KCNH8: variants seen among roughly 807,000 people sequenced by gnomAD.
The protein encoded by KCNH8 is voltage-gated delayed rectifier potassium channel KCNH8.
In KCNH8, 70 loss-of-function variants were observed where a neutral mutation model predicts 103.6. The observed-to-expected ratio is 0.68, with a 90% confidence interval of 0.56 to 0.82. The LOEUF (loss-of-function observed/expected upper bound fraction) is 0.82, where lower values mean the gene tolerates loss of function less well. Ranked by LOEUF, KCNH8 falls within the 40% of genes least tolerant of loss-of-function variation. The probability of loss-of-function intolerance (pLI) is 0.00; values close to 1 mark genes in which losing one functional copy is unlikely to be tolerated. For synonymous variants in KCNH8, 498 were observed against 489.4 expected (o/e 1.02, Z -0.23); for missense variants, 1,217 against 1,329.9 (o/e 0.92, Z 1.32).
At chr3:19,420,169 A>G (rs984467908) in intron 7 of KCNH8, among the ~76,000 whole-genome samples, 2 of 152,210 alleles carry the variant, frequency 1.3e-5, no homozygotes, top group Non-Finnish European at 2.9e-5. Flanking sequence ...TAAATGCTCA[A>G]TATATGTTCA....
intron 2 of KCNH8, among the ~76,000 whole-genome samples, chr3:19,262,914 C>T (rs2064455927): frequency 6.6e-6 from 1 of 152,032 alleles, no homozygotes; most frequent in Admixed American, 6.6e-5. Flanking sequence ...TCTCACCTAG[C>T]CCTCCCATTG....
chr3:19,199,147 G>C (rs1290932126), intron 1 of KCNH8, among the ~76,000 whole-genome samples: 4 of 151,780 alleles, frequency 2.6e-5, no homozygotes, highest in Non-Finnish European at 5.9e-5. Flanking sequence ...TCATTGTACT[G>C]TGTCATCCTA....
At chr3:19,371,926 A>G (rs2066103272) in intron 5 of KCNH8, among the ~76,000 whole-genome samples, 4 of 150,052 alleles carry the variant, frequency 2.7e-5, no homozygotes, top group Admixed American at 2.7e-4. Flanking sequence ...AGTTGTAGAT[A>G]TGTGGCGTTA....
Position 19,224,470 on chromosome 3 carries a change from G to A in KCNH8, c.77-29184G>A, listed in dbSNP as rs186174839. Among the ~76,000 whole-genome samples, 63 of 151,290 alleles carry A rather than the reference G, an allele frequency of 4.2e-4. 1 individual carries two copies. In the East Asian group the frequency reaches 0.011, roughly 26 times the overall value. On this transcript the variant is annotated intron_variant, in intron 1 of 15. Transcript: ENST00000328405. ...CAAACCATTTTTAATGATTTGAAGT[G>A]TAATTTTTTCTCCCTCCTTTCCAAT...
chr3:19,524,010 G>A (rs2069018229), intron 15 of KCNH8, among the ~76,000 whole-genome samples: 1 of 151,888 alleles, frequency 6.6e-6, no homozygotes, highest in South Asian at 2.1e-4. Flanking sequence ...AATAATAAGA[G>A]AGGCTGTTTT....
intron 3 of KCNH8, among the ~76,000 whole-genome samples, chr3:19,289,449 G>T (rs979998142): frequency 2.0e-5 from 3 of 152,154 alleles, no homozygotes; most frequent in Admixed American, 6.5e-5. Flanking sequence ...CATATGGCTA[G>T]CCAGTTTTCC....
chr3:19,415,224 T>C (rs2066844687), intron 7 of KCNH8, among the ~76,000 whole-genome samples: 2 of 151,962 alleles, frequency 1.3e-5, no homozygotes, highest in Admixed American at 1.3e-4. Context: ...GGTACCTACA[T>C]GGGTTAACTC....
intron 1 of KCNH8, among the ~76,000 whole-genome samples, chr3:19,176,421 C>T (rs1274667703): frequency 2.0e-5 from 3 of 152,032 alleles, no homozygotes; most frequent in Admixed American, 2.0e-4. Flanking sequence ...AAGAACATTA[C>T]CGAGACAGAA....
intron 1 of KCNH8, among the ~76,000 whole-genome samples, chr3:19,159,714 A>G (rs901050385): frequency 1.3e-5 from 2 of 152,130 alleles, no homozygotes; most frequent in South Asian, 2.1e-4. Flanking sequence ...AGACACAAAA[A>G]CATTTGTATC....
rs182259687 is a variant in KCNH8, at chr3:19,312,099, A to G, written c.443-30488A>G. Among the ~76,000 whole-genome samples the G allele has an allele frequency of 1.4e-3, 215 of 152,054 alleles. 1 individual carries two copies. The highest frequency in any genetic ancestry group is 4.9e-3 in the African/African-American group (202 of 41,546). On this transcript the variant is annotated intron_variant, in intron 3 of 15. Coordinates refer to ENST00000328405, the MANE Select transcript of KCNH8 (RefSeq NM_144633.3). ...CATTTTGAAAATCTGTGGAATTAAT[A>G]TATTAACCCAAAATTCATGCCAAGT...
chr3:19,513,305 A>AC lies in KCNH8; in HGVS notation c.2420dup (p.Asp808ArgfsTer8), dbSNP rs1301103555. 1 of 1,599,706 alleles carries AC rather than the reference A, an allele frequency of 6.3e-7. No homozygotes were observed. Among genetic ancestry groups the AC allele is most frequent in the African/African-American group, 1.4e-5 (1 of 73,918 alleles). On this transcript the variant is annotated frameshift_variant, in exon 13 of 16. Transcript: ENST00000328405. LOFTEE classifies it high-confidence loss of function. ...AACTTTCAACTTTGAATAATGCTGG[A>AC]CCCCCAGACCTCAGTCCAAGGTAAG...
chr3:19,170,277 CTA>C (rs1350460982), intron 1 of KCNH8, among the ~76,000 whole-genome samples: 1 of 152,134 alleles, frequency 6.6e-6, no homozygotes, highest in Non-Finnish European at 1.5e-5. Context: ...TCCCTAAGCT[CTA>C]TGTTTAACAC....
chr3:19,184,757 C>G (rs1487414712), intron 1 of KCNH8, among the ~76,000 whole-genome samples: 1 of 151,732 alleles, frequency 6.6e-6, no homozygotes, highest in East Asian at 1.9e-4. Context: ...TATTGCAGAA[C>G]AAGTGGGAGA....
At chr3:19,408,544 GAATCC>G (rs1254326116) in intron 7 of KCNH8, among the ~76,000 whole-genome samples, 1 of 152,032 alleles carries the variant, frequency 6.6e-6, no homozygotes, top group Non-Finnish European at 1.5e-5. Context: ...AACAGATAAA[GAATCC>G]AAAGTATGGA....
At position 19,170,695 on chromosome 3, in the gene KCNH8, CAT is replaced by C. The variant is rs567992582; in HGVS notation, c.76+21908_76+21909del. Among the ~76,000 whole-genome samples, 191 of 142,074 alleles carry C rather than the reference CAT, an allele frequency of 1.3e-3. 1 individual carries two copies. The highest frequency in any genetic ancestry group is 4.1e-3 in the South Asian group (19 of 4,622). The allele number at this position is 142,074 out of a possible 152,430, so 93.2% of individuals were successfully genotyped here. On this transcript the variant is annotated intron_variant, in intron 1 of 15. Coordinates refer to ENST00000328405, the MANE Select transcript of KCNH8 (RefSeq NM_144633.3). ...ATATACACACACACATATATACACA[CAT>C]ATATATACACATATATACACACACA... is the stretch of plus-strand genomic sequence containing the variant.
intron 5 of KCNH8, among the ~76,000 whole-genome samples, chr3:19,384,727 A>G (rs2066334093): frequency 6.6e-6 from 1 of 152,196 alleles, no homozygotes. Flanking sequence ...GGAATTGTGC[A>G]TATTTGCTCC....
chr3:19,367,408 A>T (rs1379359326), intron 5 of KCNH8, among the ~76,000 whole-genome samples: 8 of 145,448 alleles, frequency 5.5e-5, no homozygotes, highest in African/African-American at 2.0e-4. Flanking sequence ...ATATATATTT[A>T]TATATATATC....
intron 1 of KCNH8, among the ~76,000 whole-genome samples, chr3:19,232,076 T>G (rs966875522): frequency 6.6e-6 from 1 of 152,212 alleles, no homozygotes; most frequent in African/African-American, 2.4e-5. Flanking sequence ...GTATCTTGAT[T>G]GGAATGTATT....
chr3:19,347,616 G>A (rs989838534), intron 4 of KCNH8, 109 bp from the exon 5 acceptor site: 1 of 1,300,052 alleles, frequency 7.7e-7, no homozygotes, highest in South Asian at 1.4e-5. Flanking sequence ...GTAAGATACT[G>A]CTTTGTGTAG....
Sources: allele counts gnomAD v4.1 joint callset (sites outside exome capture counted in the v4.1 genomes callset), GRCh38; gene constraint gnomAD v4.1.1; transcripts MANE v1.5; gene names NCBI Gene and HGNC (gene_info 2026-07-23, HGNC 2026-07-21).